Variants in PAPPA observed in about 807,000 individuals in gnomAD.
PAPPA encodes pappalysin-1.
A neutral mutation model predicts 164.0 loss-of-function variants in PAPPA; 60 were observed. The ratio of observed to expected loss-of-function variants is 0.37; its 90% confidence interval spans 0.30 to 0.45. PAPPA has a LOEUF of 0.45. PAPPA is among the 20% of genes least tolerant of loss of function. The pLI is 1.00. For synonymous variants in PAPPA, 875 were observed against 814.1 expected, an observed-to-expected ratio of 1.07 and a Z score of -1.27; for missense variants, 1,782 against 2,087.3, an observed-to-expected ratio of 0.85 and a Z score of 2.85.
chr9:116,186,254 C>CTATATAGA (rs1459216494), intron 1 of PAPPA, among the ~76,000 whole-genome samples: 7 of 143,144 alleles, frequency 4.9e-5, no homozygotes, highest in Admixed American at 7.1e-5. Flanking sequence ...ATCTATATAT[C>CTATATAGA]TATATAGATA....
intron 10 of PAPPA, among the ~76,000 whole-genome samples, chr9:116,315,194 C>T (rs1321872622): frequency 6.6e-6 from 1 of 152,152 alleles, no homozygotes; most frequent in Non-Finnish European, 1.5e-5. Context: ...GCAGGCAGGG[C>T]CTTCTGAAAT....
chr9:116,373,956 C>T (rs7874402), intron 19 of PAPPA, among the ~76,000 whole-genome samples: 59,170 of 151,766 alleles, frequency 0.39, 12,175 homozygotes, highest in East Asian at 0.49. Flanking sequence ...AGCTCTGAGC[C>T]CAGGGCTTAG....
At chr9:116,388,165 A>G (rs1334452288) in intron 21 of PAPPA, among the ~76,000 whole-genome samples, 1 of 152,188 alleles carries the variant, frequency 6.6e-6, no homozygotes, top group African/African-American at 2.4e-5. Flanking sequence ...AAGACGGTGC[A>G]GGAAACTCTG....
At chr9:116,278,847 T>C in intron 9 of PAPPA, among the ~76,000 whole-genome samples, 1 of 152,206 alleles carries the variant, frequency 6.6e-6, no homozygotes, top group East Asian at 1.9e-4. Context: ...ATAGTTTTGT[T>C]AAGGAAAAGA....
chr9:116,359,347 G>T (rs1372234716), intron 17 of PAPPA, among the ~76,000 whole-genome samples: 1 of 152,190 alleles, frequency 6.6e-6, no homozygotes, highest in African/African-American at 2.4e-5. Flanking sequence ...AGCAGCAGGG[G>T]AGTTAGAGCT....
Position 116,231,760 on chromosome 9 carries a change from C to CTTTTCCTTTT in PAPPA, c.2234-3375_2234-3374insCCTTTTTTTT, listed in dbSNP as rs1844598363. On this transcript the variant is annotated intron_variant, in intron 6 of 21. Coordinates refer to ENST00000328252, the MANE Select transcript of PAPPA (RefSeq NM_002581.5). ...TAAACAGTGGTTTTTCTTTTCTTTT[C>CTTTTCCTTTT]TTTTTCTTTTTTTTTTTTGAGATGG... 7.1e-4 allele frequency among the ~76,000 whole-genome samples: 2 copies of CTTTTCCTTTT among 2,824 alleles called. 1 individual carries two copies. The highest frequency in any genetic ancestry group is 1.3e-3 in the Non-Finnish European group (2 of 1,510). 1.9% of individuals were successfully genotyped at this position (2,824 alleles called of 152,430 possible). A position where few individuals can be genotyped will look rare whatever the true frequency, so the allele number is the denominator to read the frequency against.
intron 10 of PAPPA, among the ~76,000 whole-genome samples, chr9:116,324,785 G>C (rs1324227982): frequency 6.6e-6 from 1 of 152,084 alleles, no homozygotes; most frequent in African/African-American, 2.4e-5. Context: ...TCATGGAGGG[G>C]GAGTCCACAA....
At chr9:116,212,030 T>G in intron 4 of PAPPA, 98 bp downstream of exon 4, 2 of 1,071,558 alleles carry the variant, frequency 1.9e-6, no homozygotes, top group Non-Finnish European at 2.8e-6. Context: ...TTACCATTTC[T>G]AAGGATGGAA....
intron 10 of PAPPA, among the ~76,000 whole-genome samples, chr9:116,318,073 A>G (rs930132314): frequency 3.9e-5 from 6 of 152,276 alleles, no homozygotes; most frequent in Admixed American, 1.3e-4. Context: ...TGGGTTTGTC[A>G]TGGCTTAGCT....
intron 2 of PAPPA, among the ~76,000 whole-genome samples, chr9:116,204,303 C>A (rs1165688966): frequency 2.6e-5 from 4 of 152,298 alleles, no homozygotes; most frequent in Middle Eastern, 3.4e-3. Flanking sequence ...CAGACTAATA[C>A]ATGCACAGAG....
chr9:116,333,391 C>T lies in PAPPA; in HGVS notation c.3397+923C>T, dbSNP rs73656805. 8.3e-3 allele frequency among the ~76,000 whole-genome samples: 1,258 copies of T among 152,272 alleles called. 18 individuals are homozygous for T. Among genetic ancestry groups the T allele is most frequent in the African/African-American group, 0.029 (1,204 of 41,558 alleles). The stretch of plus-strand genomic sequence containing the variant: ...TTGTCGCTAAGAATTTCCTATGACA[C>T]CTTCACACTTCCAGTCTACCCTGGA... On this transcript the variant is annotated intron_variant, in intron 12 of 21. Coordinates refer to ENST00000328252, the MANE Select transcript of PAPPA (RefSeq NM_002581.5).
intron 9 of PAPPA, among the ~76,000 whole-genome samples, chr9:116,276,919 T>C (rs1013813291): frequency 6.6e-6 from 1 of 151,934 alleles, no homozygotes; most frequent in Admixed American, 6.6e-5. Flanking sequence ...GGGGCAGGGG[T>C]TCACCGAGCC....
At chr9:116,230,499 A>G (rs1206189824) in intron 6 of PAPPA, among the ~76,000 whole-genome samples, 1 of 152,214 alleles carries the variant, frequency 6.6e-6, no homozygotes, top group Non-Finnish European at 1.5e-5. Flanking sequence ...AGTGAGTCAC[A>G]TAGCTTCTCT....
intron 1 of PAPPA, among the ~76,000 whole-genome samples, chr9:116,177,050 C>T (rs1843845086): frequency 6.7e-6 from 1 of 149,598 alleles, no homozygotes; most frequent in South Asian, 2.2e-4. Flanking sequence ...TGTTTCTGAG[C>T]TTATTAGAAA....
chr9:116,345,951 C>A (rs773592767), intron 14 of PAPPA, among the ~76,000 whole-genome samples: 2 of 152,152 alleles, frequency 1.3e-5, no homozygotes, highest in Non-Finnish European at 2.9e-5. Flanking sequence ...GCACACAGGG[C>A]ACATTCCTTA....
chr9:116,294,220 A>T (rs1467303952), intron 9 of PAPPA, among the ~76,000 whole-genome samples: 2 of 152,076 alleles, frequency 1.3e-5, no homozygotes, highest in African/African-American at 4.8e-5. Context: ...TTGTTGGAGG[A>T]TGCTTGATTC....
At chr9:116,217,321 C>T (rs977832975) in intron 4 of PAPPA, among the ~76,000 whole-genome samples, 2 of 152,008 alleles carry the variant, frequency 1.3e-5, no homozygotes, top group Admixed American at 6.6e-5. Flanking sequence ...TTAAATGCCC[C>T]CAATTTATGC....
At chr9:116,369,558 A>C (rs1363211880) in intron 19 of PAPPA, among the ~76,000 whole-genome samples, 1 of 152,112 alleles carries the variant, frequency 6.6e-6, no homozygotes, top group Non-Finnish European at 1.5e-5. Context: ...CACACAAAAC[A>C]GACACAGGAG....
chr9:116,199,963 A>G (rs1253084015), intron 2 of PAPPA, among the ~76,000 whole-genome samples: 1 of 152,152 alleles, frequency 6.6e-6, no homozygotes, highest in Non-Finnish European at 1.5e-5. Flanking sequence ...ACTCACTACC[A>G]TGAGAATGAC....
Sources: gnomAD v4.1 joint callset for allele counts (sites outside exome capture counted in the v4.1 genomes callset) on GRCh38, gnomAD v4.1.1 for gene constraint, MANE v1.5 for transcripts, NCBI Gene and HGNC (gene_info 2026-07-23, HGNC 2026-07-21) for gene names.